Variants in WWOX observed in about 807,000 individuals in gnomAD.
The protein encoded by WWOX is WW domain-containing oxidoreductase.
In WWOX, 69 loss-of-function variants were observed where a neutral mutation model predicts 46.2. The ratio of observed to expected loss-of-function variants is 1.49; its 90% CI spans 1.23 to 1.82. The LOEUF is 1.82. Among genes scored for constraint, WWOX ranks in the 40% most tolerant of loss-of-function variants. The pLI is 0.00. For synonymous variants in WWOX, 359 were observed against 202.6 expected (o/e 1.77, Z -6.56); for missense variants, 919 against 542.6 (o/e 1.69, Z -6.89).
At chr16:78,910,470 G>T (rs1319821855) in intron 8 of WWOX, among the ~76,000 whole-genome samples, 1 of 150,946 alleles carries the variant, frequency 6.6e-6, no homozygotes, top group Non-Finnish European at 1.5e-5. Context: ...AGAACAGTGT[G>T]GTGTTTCATG....
chr16:79,070,978 C>T (rs747986579), intron 8 of WWOX, among the ~76,000 whole-genome samples: 9 of 152,166 alleles, frequency 5.9e-5, no homozygotes, highest in East Asian at 1.9e-4. Context: ...TCCCTACCCC[C>T]ACATACTTTG....
intron 8 of WWOX, among the ~76,000 whole-genome samples, chr16:78,591,689 T>C (rs1026378615): frequency 2.6e-5 from 4 of 152,172 alleles, no homozygotes; most frequent in Non-Finnish European, 1.5e-5. Context: ...GTGTTTCCTG[T>C]TACAGGGAGA....
chr16:78,784,078 C>G (rs986018994), intron 8 of WWOX, among the ~76,000 whole-genome samples: 1 of 152,106 alleles, frequency 6.6e-6, no homozygotes, highest in Non-Finnish European at 1.5e-5. Context: ...GTACTGAGCA[C>G]TTACTTTGTA....
Position 78,819,410 on chromosome 16 carries a change from A to T in WWOX, c.1056+386658A>T, listed in dbSNP as rs1425221197. Among the ~76,000 whole-genome samples, 4 of 152,336 alleles carry T rather than the reference A, an allele frequency of 2.6e-5. 1 individual carries two copies. Among genetic ancestry groups the T allele is most frequent in the Admixed American group, 1.3e-4 (2 of 15,300 alleles). ...ATGTCAGTTTACAATTTCCATGGCA[A>T]CACCTAGAAGTTACTGCCCCTTTCC... On this transcript the variant is annotated intron_variant, in intron 8 of 8. Transcript: ENST00000566780.
rs1041496064 is a variant in WWOX at position 78,395,423 on chromosome 16, G to A, written c.605+8475G>A. Among the ~76,000 whole-genome samples, 3 of 152,122 alleles carry A rather than the reference G, an allele frequency of 2.0e-5. No homozygotes were observed. The East Asian group carries it at 5.8e-4, about 29-fold the overall frequency. On this transcript the variant is annotated intron_variant, in intron 6 of 8. Transcript: ENST00000566780. ...AGTCCCAGCTGCTTGGGAGGCTGAC[G>A]AGTAAGGATCACTTGAGCCAGCATG...
At chr16:78,956,197 G>T (rs775748603) in intron 8 of WWOX, among the ~76,000 whole-genome samples, 5 of 152,120 alleles carry the variant, frequency 3.3e-5, no homozygotes, top group Non-Finnish European at 7.3e-5. Flanking sequence ...CCAGGCTGGA[G>T]TGCAGTGGCA....
chr16:78,923,309 C>G (rs999095728), intron 8 of WWOX, among the ~76,000 whole-genome samples: 1 of 152,092 alleles, frequency 6.6e-6, no homozygotes, highest in Non-Finnish European at 1.5e-5. Context: ...CTCCTTCTAC[C>G]TTGCCCACCA....
intron 8 of WWOX, among the ~76,000 whole-genome samples, chr16:78,943,771 C>T (rs2045897781): frequency 6.6e-6 from 1 of 152,152 alleles, no homozygotes; most frequent in South Asian, 2.1e-4. Context: ...CCTTCTGGAT[C>T]CCACAATTTG....
chr16:78,898,721 A>G (rs2044757464), intron 8 of WWOX: 1 of 152,120 alleles, frequency 6.6e-6, no homozygotes, highest in South Asian at 2.1e-4. Context: ...AAATCCTGAA[A>G]GTGTTAAGCG....
intron 8 of WWOX, chr16:78,981,734 T>C (rs1184052387): frequency 6.6e-6 from 1 of 152,222 alleles, no homozygotes; most frequent in African/African-American, 2.4e-5. Flanking sequence ...GCTTGGAGCA[T>C]CTTAATTTAA....
intron 8 of WWOX, among the ~76,000 whole-genome samples, chr16:78,511,053 A>T (rs1188969379): frequency 1.3e-5 from 2 of 152,230 alleles, no homozygotes; most frequent in Non-Finnish European, 2.9e-5. Flanking sequence ...CCTGGTTCAT[A>T]CTGCGTGTTT....
intron 6 of WWOX, among the ~76,000 whole-genome samples, chr16:78,417,626 C>T (rs774549567): frequency 2.0e-5 from 3 of 152,138 alleles, no homozygotes; most frequent in Non-Finnish European, 4.4e-5. Context: ...TTCCCTCTTC[C>T]CCGCAAGGTT....
intron 8 of WWOX, among the ~76,000 whole-genome samples, chr16:79,168,751 G>A (rs1157165327): frequency 1.3e-5 from 2 of 152,300 alleles, no homozygotes; most frequent in East Asian, 3.9e-4. Context: ...CCAAGTCCCA[G>A]GAAAGTCATT....
chr16:78,962,083 C>T (rs1053749702), intron 8 of WWOX, among the ~76,000 whole-genome samples: 1 of 151,950 alleles, frequency 6.6e-6, no homozygotes, highest in South Asian at 2.1e-4. Context: ...CATAAAGGAG[C>T]TTTGGAAAGG....
In WWOX at chr16:78,319,617, G is replaced by C. The variant is rs915912422; in HGVS notation, c.517-67243G>C. The stretch of plus-strand genomic sequence containing the variant: ...ACTCCAGAGCTATAAAAGAATAAAT[G>C]TGTGTTATTTCAAGCCGTGAATTTC... On this transcript the variant is annotated intron_variant, in intron 5 of 8. Coordinates refer to ENST00000566780, the MANE Select transcript of WWOX (RefSeq NM_016373.4). Among the ~76,000 whole-genome samples the C allele has an allele frequency of 2.0e-5, 3 of 152,132 alleles. No individual in the cohort carries two copies. The East Asian group carries it at 5.8e-4, about 29-fold the overall frequency.
chr16:78,321,015 C>T (rs2080455927), intron 5 of WWOX, among the ~76,000 whole-genome samples: 1 of 152,070 alleles, frequency 6.6e-6, no homozygotes, highest in African/African-American at 2.4e-5. Flanking sequence ...TGTACTCACA[C>T]CTTAACCAAT....
At chr16:78,227,223 G>A (rs78817933) in intron 5 of WWOX, among the ~76,000 whole-genome samples, 5,458 of 152,186 alleles carry the variant, frequency 0.036, 267 homozygotes, top group African/African-American at 0.11. Context: ...TACCTCTTGC[G>A]AATTGTACGC....
intron 5 of WWOX, among the ~76,000 whole-genome samples, chr16:78,217,327 C>G (rs535370859): frequency 9.2e-5 from 14 of 152,344 alleles, no homozygotes; most frequent in African/African-American, 3.4e-4. Context: ...GATTGCACTC[C>G]TACTTTCCTG....
At chr16:79,041,303 TC>T (rs926361258) in intron 8 of WWOX, among the ~76,000 whole-genome samples, 70 of 152,248 alleles carry the variant, frequency 4.6e-4, no homozygotes, top group African/African-American at 1.5e-3. Flanking sequence ...CTCCCGCTTG[TC>T]CCCCAGCCTC....
Sources: gnomAD v4.1 joint callset for allele counts (sites outside exome capture counted in the v4.1 genomes callset) on GRCh38, gnomAD v4.1.1 for gene constraint, MANE v1.5 for transcripts, NCBI Gene and HGNC (gene_info 2026-07-23, HGNC 2026-07-21) for gene names.